EHMT2: variants seen among roughly 807,000 people sequenced by gnomAD.
The protein encoded by EHMT2 is euchromatic histone lysine methyltransferase 2, also known as histone-lysine N-methyltransferase EHMT2.
A neutral mutation model predicts 143.3 loss-of-function variants in EHMT2; 59 were observed. The ratio of observed to expected loss-of-function variants is 0.41; its 90% CI spans 0.33 to 0.51. The LOEUF (loss-of-function observed/expected upper bound fraction) is 0.51, where lower values mean the gene tolerates loss of function less well. Among genes scored for constraint, EHMT2 ranks in the 20% least tolerant of loss-of-function variants. EHMT2 has a pLI of 0.18. For synonymous variants in EHMT2, 604 were observed against 651.5 expected, an observed-to-expected ratio of 0.93 and a Z score of 1.11; for missense variants, 1,174 against 1,645.9, an observed-to-expected ratio of 0.71 and a Z score of 4.96.
rs776850401 is a variant in EHMT2, at chr6:31,881,924, T to C, written c.3197+775A>G. 6.6e-6 allele frequency among the ~76,000 whole-genome samples: 1 copy of C among 152,008 alleles called. No homozygotes were observed. The highest frequency in any genetic ancestry group is 1.5e-5 in the Non-Finnish European group (1 of 68,000). On this transcript the variant is annotated intron_variant, in intron 25 of 27. Coordinates refer to ENST00000375537, the Ensembl canonical transcript of EHMT2. This position sits in a 1 kb window ranked among gnomAD's most constrained non-coding sequence, Gnocchi z 4.8. ...TTGGAGACCAGCCTGGCTAACATGG[T>C]GAAACTCCGTTTCTACTAAAAATAC... is the stretch of plus-strand genomic sequence containing the variant.
chr6:31,886,691 G>C lies in EHMT2; in HGVS notation c.2242-9C>G. The C allele has an allele frequency of 6.2e-7, 1 of 1,614,134 alleles. No individual in the cohort carries two copies. Among genetic ancestry groups the C allele is most frequent in the Non-Finnish European group, 8.5e-7 (1 of 1,180,008 alleles). ...GTGGAACCGTCCTCCTCCTGAGGGAGACACGGGCAAATGAGCCTTTGGGCT... is the reference window on the plus strand; with the variant it reads ...GTGGAACCGTCCTCCTCCTGAGGGACACACGGGCAAATGAGCCTTTGGGCT... On this transcript the variant is annotated splice_polypyrimidine_tract_variant and intron_variant, in intron 17 of 27. Transcript: ENST00000375537.
chr6:31,892,983 A>G, intron 4 of EHMT2, 73 bp from the exon 5 acceptor site: 1 of 1,002,516 alleles, frequency 1.0e-6, no homozygotes. Context: ...CTGGAGCCCC[A>G]GGCGGGGGTG....
intron 4 of EHMT2, chr6:31,893,404 T>C: frequency 2.2e-6 from 1 of 446,006 alleles, no homozygotes. Flanking sequence ...CACTTCAGCC[T>C]CGAACTGGAC....
At position 31,889,602 on chromosome 6, in the gene EHMT2, A is replaced by T; in HGVS notation, c.865T>A (p.Ser289Thr). ...TGTTCAGTTAGAGCTTCAACTTCAG[A>T]CTGGGAGAGAGGCAGAACAGACATA... Residue 289 changes from serine (S) to threonine (T), a missense_variant and splice_region_variant, in exon 8 of 28, where the codon TCT becomes ACT. Physicochemically the swap from Ser to Thr is moderately conservative, Grantham distance 58 (BLOSUM62 1). Transcript: ENST00000375537. This position sits in a 1 kb window ranked among gnomAD's most constrained non-coding sequence, Gnocchi z 5.1. 1 of 1,609,854 alleles carries T rather than the reference A, an allele frequency of 6.2e-7. No individual in the cohort carries two copies. Among genetic ancestry groups the T allele is most frequent in the Non-Finnish European group, 8.5e-7 (1 of 1,179,920 alleles).
intron 18 of EHMT2, chr6:31,885,330 T>G: frequency 4.6e-6 from 1 of 215,176 alleles, no homozygotes; most frequent in Non-Finnish European, 9.3e-6. Context: ...TAGAAAAAAT[T>G]AGCTGGGCGT....
rs1270922819 is a variant in EHMT2, at chr6:31,882,787, TG to T, written c.3111-3del. On this transcript the variant is annotated splice_region_variant and splice_polypyrimidine_tract_variant and intron_variant, in intron 24 of 27. Coordinates refer to ENST00000375537, the Ensembl canonical transcript of EHMT2. ...GTTCGGTAGAGCTGTAGCCGCACCC[TG>T]GGGGTAGGAGAGATGGCGCTGTTGG... 2.5e-6 allele frequency: 4 copies of T among 1,612,172 alleles called. No homozygotes were observed. The highest frequency in any genetic ancestry group is 1.3e-5 in the African/African-American group (1 of 74,836).
At position 31,881,364 on chromosome 6, in the gene EHMT2, C is replaced by G. The variant is rs1258068733; in HGVS notation, c.3198-272G>C. 1 of 557,718 alleles carries G rather than the reference C, an allele frequency of 1.8e-6. No homozygotes were observed. The highest frequency in any genetic ancestry group is 3.2e-6 in the Non-Finnish European group (1 of 310,424). 34.5% of individuals were successfully genotyped at this position (557,718 alleles called of 1,614,324 possible). ...GGCAGTTGGCCTGGGTGGGGAAGTT[C>G]GGGTTTGGACACAGAGAGGTTTGTG... is the stretch of plus-strand genomic sequence containing the variant. On this transcript the variant is annotated intron_variant, in intron 25 of 27. Transcript: ENST00000375537. The surrounding 1 kb of genome is among the most constrained non-coding windows in gnomAD (Gnocchi z 4.8).
chr6:31,897,287 T>C (rs1581976882), intron 1 of EHMT2: 2 of 645,752 alleles, frequency 3.1e-6, no homozygotes, highest in African/African-American at 2.8e-5. Flanking sequence ...CACGCGCCGC[T>C]CCCCCTTTGT....
Position 31,883,520 on chromosome 6 carries a change from C to T in EHMT2, c.2917-81G>A. 1.4e-6 allele frequency: 2 copies of T among 1,402,976 alleles called. No homozygotes were observed. The highest frequency in any genetic ancestry group is 3.9e-5 in the Admixed American group (2 of 51,372). 86.9% of individuals were successfully genotyped at this position (1,402,976 alleles called of 1,614,324 possible). On this transcript the variant is annotated intron_variant, in intron 22 of 27. Transcript: ENST00000375537. This position sits in a 1 kb window ranked among gnomAD's most constrained non-coding sequence, Gnocchi z 5.6. The stretch of plus-strand genomic sequence containing the variant: ...CTCTTGATGCCCCCTGACCCCCTAA[C>T]CACTGTCCTTTCTTTGGGGTCCATG...
chr6:31,885,941 GC>G (rs1764782619), intron 18 of EHMT2: 1 of 152,116 alleles, frequency 6.6e-6, no homozygotes, highest in Non-Finnish European at 1.5e-5. Flanking sequence ...ACAAAAATTA[GC>G]CGGGCATGGT....
Position 31,888,607 on chromosome 6 carries a change from CCA to C in EHMT2, c.1355_1356del (p.Val452GlyfsTer30). On this transcript the variant is annotated frameshift_variant, in exon 11 of 28. Transcript: ENST00000375537. LOFTEE classifies it high-confidence loss of function. This position sits in a 1 kb window ranked among gnomAD's most constrained non-coding sequence, Gnocchi z 7.4. ...CCAGCCCACGGCCCCACCTCTCCGT[CCA>C]CACTCTCAGTGGCCATGCACTTGTG... 6.2e-7 allele frequency: 1 copy of C among 1,613,010 alleles called. No homozygotes were observed. The highest frequency in any genetic ancestry group is 8.5e-7 in the Non-Finnish European group (1 of 1,179,942).
chr6:31,887,257 T>A, intron 15 of EHMT2, 156 bp from the exon 16 acceptor site: 1 of 665,960 alleles, frequency 1.5e-6, no homozygotes, highest in Non-Finnish European at 2.6e-6. Context: ...ACAGCATTTA[T>A]CAGAATAAGG....
chr6:31,897,230 AG>A, intron 1 of EHMT2: 1 of 1,180,106 alleles, frequency 8.5e-7, no homozygotes, highest in Non-Finnish European at 1.1e-6. Context: ...GAGGAGGGGG[AG>A]GGGGCGGGGC....
Position 31,884,457 on chromosome 6 carries a change from T to C in EHMT2, c.2706A>G (p.Gln902=). ...CCCCAAGTCGGAGCTTGCGGTTGAG[T>C]TGAAGCGCAAACCACACGTCGGAGC... The change falls in exon 21 of 28, where the codon CAA becomes CAG. Residue 902 remains glutamine (Q), a synonymous_variant. Coordinates refer to ENST00000375537, the Ensembl canonical transcript of EHMT2. The surrounding 1 kb of genome is among the most constrained non-coding windows in gnomAD (Gnocchi z 7.3). The C allele has an allele frequency of 5.0e-6, 8 of 1,612,848 alleles. No homozygotes were observed. Among genetic ancestry groups the C allele is most frequent in the African/African-American group, 1.3e-5 (1 of 74,992 alleles).
At position 31,888,765 on chromosome 6, in the gene EHMT2, A is replaced by G. The variant is rs745549956; in HGVS notation, c.1217-18T>C. The G allele has an allele frequency of 6.2e-7, 1 of 1,611,114 alleles. No individual in the cohort carries two copies. Among genetic ancestry groups the G allele is most frequent in the South Asian group, 1.1e-5 (1 of 91,014 alleles). ...GGACACCCCTTGGATGGAGGAAAAG[A>G]GGAGCTGAGGGAGGCTCTGCACCTC... On this transcript the variant is annotated intron_variant, in intron 10 of 27. Transcript: ENST00000375537. The surrounding 1 kb of genome is among the most constrained non-coding windows in gnomAD (Gnocchi z 7.4).
chr6:31,895,167 G>A (rs917425183), intron 4 of EHMT2, among the ~76,000 whole-genome samples: 5 of 152,222 alleles, frequency 3.3e-5, no homozygotes, highest in South Asian at 2.1e-4. Flanking sequence ...AGCATGGAAC[G>A]GTTAGGGCCC....
At position 31,880,698 on chromosome 6, in the gene EHMT2, C is replaced by T; in HGVS notation, c.3427G>A (p.Asp1143Asn). The T allele has an allele frequency of 5.0e-6, 8 of 1,613,882 alleles. No individual in the cohort carries two copies. Among genetic ancestry groups the T allele is most frequent in the Non-Finnish European group, 6.8e-6 (8 of 1,180,016 alleles). The change falls in exon 27 of 28, where the codon GAC becomes AAC. Residue 1143 changes from aspartate to asparagine, a missense_variant. Asp to Asn is a conservative substitution (Grantham distance 23, BLOSUM62 1). Transcript: ENST00000375537. This position sits in a 1 kb window ranked among gnomAD's most constrained non-coding sequence, Gnocchi z 6.6. ...CCTAGCTCCTCCCCAGTCCGGATGT[C>T]TCGGGAACTGAAGAAGGCGATGCGT...
chr6:31,886,734 C>A, intron 17 of EHMT2, 41 bp downstream of exon 17: 2 of 1,613,860 alleles, frequency 1.2e-6, no homozygotes, highest in Non-Finnish European at 1.7e-6. Flanking sequence ...CAAACCTGGT[C>A]CCTGACTCCG....
chr6:31,892,984 GGC>G lies in EHMT2; in HGVS notation c.583-76_583-75del, dbSNP rs1765904355. Reference sequence around the variant, plus strand: ...TTGCCTGGGTTAGCCTGGAGCCCCAGGCGGGGGTGGGGTAGTGAGCCACACCT... The same window carrying G: ...TTGCCTGGGTTAGCCTGGAGCCCCAGGGGGGTGGGGTAGTGAGCCACACCT... On this transcript the variant is annotated intron_variant, in intron 4 of 27. Transcript: ENST00000375537. The G allele has an allele frequency of 4.1e-6, 4 of 971,530 alleles. 1 individual carries two copies. The South Asian group carries it at 6.8e-5, about 16-fold the overall frequency. The allele number at this position is 971,530 out of a possible 1,614,324, so 60.2% of individuals were successfully genotyped here.
Sources: gnomAD v4.1 joint callset for allele counts (sites outside exome capture counted in the v4.1 genomes callset) on GRCh38, gnomAD v4.1.1 for gene constraint, Gnocchi (gnomAD v3.1) non-coding constraint, MANE v1.5 for transcripts, NCBI Gene and HGNC (gene_info 2026-07-23, HGNC 2026-07-21) for gene names.